UHRF1: variants seen among roughly 807,000 people sequenced by gnomAD.
The protein encoded by UHRF1 is E3 ubiquitin-protein ligase UHRF1.
A neutral mutation model predicts 96.5 loss-of-function variants in UHRF1; 9 were observed. The ratio of observed to expected loss-of-function variants is 0.09; its 90% CI spans 0.06 to 0.16. UHRF1 has a LOEUF of 0.16. UHRF1 is among the 10% of genes least tolerant of loss of function. The pLI, the probability that UHRF1 is intolerant of heterozygous loss-of-function variation, is 1.00. For synonymous variants in UHRF1, 455 were observed against 469.9 expected, an observed-to-expected ratio of 0.97 and a Z score of 0.41; for missense variants, 626 against 1,131.1, an observed-to-expected ratio of 0.55 and a Z score of 6.40.
At position 4,954,538 on chromosome 19, in the gene UHRF1, G is replaced by A. The variant is rs761530808; in HGVS notation, c.1957+50G>A. ...GAGCGTCTTGTGTGTGGGGGAGCAG[G>A]TGGGCATCTCGCGGGTGTGGGGTTG... On this transcript the variant is annotated intron_variant, in intron 14 of 16. Transcript: ENST00000650932. This position sits in a 1 kb window ranked among gnomAD's most constrained non-coding sequence, Gnocchi z 5.9. 2 of 1,586,940 alleles carry A rather than the reference G, an allele frequency of 1.3e-6. No homozygotes were observed. The highest frequency in any genetic ancestry group is 1.7e-5 in the Admixed American group (1 of 57,808).
chr19:4,921,194 C>T (rs2032691545), intron 2 of UHRF1, among the ~76,000 whole-genome samples: 1 of 152,036 alleles, frequency 6.6e-6, no homozygotes, highest in Non-Finnish European at 1.5e-5. Flanking sequence ...AATTCCAGCA[C>T]TTCGGGAGGC....
chr19:4,960,425 T>C (rs2033958676), intron 16 of UHRF1, among the ~76,000 whole-genome samples: 1 of 152,128 alleles, frequency 6.6e-6, no homozygotes, highest in Non-Finnish European at 1.5e-5. Context: ...GGGACCGAGC[T>C]GTTAAGCTGC....
In UHRF1 at chr19:4,961,495, G is replaced by T. The variant is rs11555235; in HGVS notation, c.*692G>T. 0.028 allele frequency: 4,226 copies of T among 152,606 alleles called. 65 individuals carry two copies. Among genetic ancestry groups the T allele is most frequent in the South Asian group, 0.061 (296 of 4,830 alleles). 9.5% of individuals were successfully genotyped at this position (152,606 alleles called of 1,614,324 possible). On this transcript the variant is annotated 3_prime_UTR_variant, in exon 17 of 17. Coordinates refer to ENST00000650932, the MANE Select transcript of UHRF1 (RefSeq NM_001048201.3). ...TGGCCTCAAGGGGACTCTGCTCCACGTGGGGCCAGGCGTGTGACTGACGCT... is the reference window on the plus strand; with the variant it reads ...TGGCCTCAAGGGGACTCTGCTCCACTTGGGGCCAGGCGTGTGACTGACGCT...
At chr19:4,932,712 G>C (rs764826663) in intron 4 of UHRF1, 29 bp from the exon 5 acceptor site, 14 of 1,609,392 alleles carry the variant, frequency 8.7e-6, no homozygotes, top group Admixed American at 3.3e-5. Context: ...GTCTTAGCAC[G>C]GGGTCTAAGG....
intron 2 of UHRF1, among the ~76,000 whole-genome samples, chr19:4,916,757 C>A (rs2032520642): frequency 6.6e-6 from 1 of 152,214 alleles, no homozygotes; most frequent in African/African-American, 2.4e-5. Context: ...GAGGTTGTCG[C>A]AGAGGCGCTG....
chr19:4,953,163 T>C (rs1054686690), intron 13 of UHRF1, among the ~76,000 whole-genome samples: 6 of 152,144 alleles, frequency 3.9e-5, no homozygotes, highest in African/African-American at 7.2e-5. Context: ...CTCCTCTTGT[T>C]CGTAGTGAAG....
At chr19:4,932,423 G>C (rs577388563) in intron 4 of UHRF1, among the ~76,000 whole-genome samples, 1 of 152,348 alleles carries the variant, frequency 6.6e-6, no homozygotes, top group South Asian at 2.1e-4. Flanking sequence ...CCCTACTGCA[G>C]TGTGATCTCA....
At chr19:4,909,173 G>T, upstream of UHRF1, 1 of 378,994 alleles carries the variant, frequency 2.6e-6, no homozygotes, top group South Asian at 4.1e-5. Context: ...CGTGCGAGTG[G>T]GGGGCTGCGA....
intron 11 of UHRF1, among the ~76,000 whole-genome samples, chr19:4,949,896 G>T (rs1057050166): frequency 6.6e-6 from 1 of 151,834 alleles, no homozygotes; most frequent in Non-Finnish European, 1.5e-5. Flanking sequence ...TTGAGGCAGG[G>T]TCTCCCTCTC....
upstream of UHRF1, among the ~76,000 whole-genome samples, chr19:4,904,594 G>C (rs1294948643): frequency 1.3e-5 from 2 of 152,196 alleles, no homozygotes; most frequent in Admixed American, 6.5e-5. Flanking sequence ...TGGGATTACA[G>C]GCATGAGCTA....
Position 4,954,728 on chromosome 19 carries a change from A to C in UHRF1, c.2036A>C (p.Gln679Pro). ...TKVEPYSLTA[Q>P]QSSLIREDKS... ...GTGGAGCCCTACAGTCTCACGGCCC[A>C]GCAGAGCAGCCTCATCAGAGAGGAC... Residue 679 changes from glutamine (Q) to proline (P), a missense_variant, in exon 15 of 17, where the codon CAG becomes CCG. Around this residue, in one of 11 missense-constraint regions of UHRF1, gnomAD observed 90 missense variants for 94.7 expected, o/e 0.95. Transcript: ENST00000650932. This position sits in a 1 kb window ranked among gnomAD's most constrained non-coding sequence, Gnocchi z 5.9. The C allele has an allele frequency of 6.2e-7, 1 of 1,613,798 alleles. No individual in the cohort carries two copies. The highest frequency in any genetic ancestry group is 8.5e-7 in the Non-Finnish European group (1 of 1,179,822).
Position 4,941,636 on chromosome 19 carries a change from C to T in UHRF1, c.886+8C>T. The stretch of plus-strand genomic sequence containing the variant: ...TTGACAACCCCATGAGACGTGAGTT[C>T]TGAGCCAGCCTTTCCCCATCTTCCG... On this transcript the variant is annotated splice_region_variant and intron_variant, in intron 6 of 16. Transcript: ENST00000650932. The T allele has an allele frequency of 6.2e-7, 1 of 1,611,336 alleles. No homozygotes were observed. Among genetic ancestry groups the T allele is most frequent in the Non-Finnish European group, 8.5e-7 (1 of 1,178,744 alleles).
At chr19:4,938,730 GTTTT>G (rs71170880) in intron 5 of UHRF1, among the ~76,000 whole-genome samples, 160 of 61,554 alleles carry the variant, frequency 2.6e-3, no homozygotes, top group African/African-American at 8.3e-3. Flanking sequence ...TTTTGGTCAG[GTTTT>G]TTTTTTTTTT....
chr19:4,910,612 A>G (rs1440872351), intron 1 of UHRF1: 2 of 364,596 alleles, frequency 5.5e-6, no homozygotes. Flanking sequence ...GATGGGTTGG[A>G]CCTTCTGCTT....
Position 4,954,244 on chromosome 19 carries a change from C to G in UHRF1, c.1819-106C>G, listed in dbSNP as rs2033791889. 5 of 1,509,504 alleles carry G rather than the reference C, an allele frequency of 3.3e-6. No homozygotes were observed. Among genetic ancestry groups the G allele is most frequent in the Non-Finnish European group, 4.5e-6 (5 of 1,118,276 alleles). 93.5% of individuals were successfully genotyped at this position (1,509,504 alleles called of 1,614,324 possible). ...TGTGCTCTTCAGGGGGATTGGGGGTCAGGTGTGTCTGGAAACCCAGACCTG... is the reference window on the plus strand; with the variant it reads ...TGTGCTCTTCAGGGGGATTGGGGGTGAGGTGTGTCTGGAAACCCAGACCTG... On this transcript the variant is annotated intron_variant, in intron 13 of 16. Coordinates refer to ENST00000650932, the MANE Select transcript of UHRF1 (RefSeq NM_001048201.3). The surrounding 1 kb of genome is among the most constrained non-coding windows in gnomAD (Gnocchi z 5.9).
At chr19:4,926,835 T>C (rs7250908) in intron 2 of UHRF1, among the ~76,000 whole-genome samples, 51,191 of 150,254 alleles carry the variant, frequency 0.34, 9,059 homozygotes, top group African/African-American at 0.43. Flanking sequence ...AAGGTTGAGG[T>C]GGGCGGATCA....
chr19:4,912,568 T>G (rs761595442), intron 2 of UHRF1, among the ~76,000 whole-genome samples: 10 of 152,250 alleles, frequency 6.6e-5, no homozygotes, highest in Non-Finnish European at 1.3e-4. Flanking sequence ...GCCATGTAGA[T>G]TTCACCATCG....
At chr19:4,926,830 T>C (rs7250906) in intron 2 of UHRF1, among the ~76,000 whole-genome samples, 51,175 of 151,430 alleles carry the variant, frequency 0.34, 9,056 homozygotes, top group African/African-American at 0.43. Flanking sequence ...TTTGGAAGGT[T>C]GAGGTGGGCG....
In UHRF1 at chr19:4,930,720, A is replaced by G. The variant is rs369303536; in HGVS notation, c.413A>G (p.Asn138Ser). 2.5e-5 allele frequency: 40 copies of G among 1,613,674 alleles called. No homozygotes were observed. Among genetic ancestry groups the G allele is most frequent in the African/African-American group, 2.1e-4 (16 of 75,036 alleles). The change falls in exon 4 of 17, where the codon AAT (asparagine) becomes AGT (serine). Residue 138 changes from asparagine to serine, a missense_variant. Asn to Ser is a conservative substitution (Grantham distance 46). Transcript: ENST00000650932. This position sits in a 1 kb window ranked among gnomAD's most constrained non-coding sequence, Gnocchi z 4.4. ...GACTTCCCTCATTCCTCACAGGTCA[A>G]TGAGTACGTCGATGCTCGGGACACG... ...DETELGLYKV[N>S]EYVDARDTNM...
Sources: allele counts gnomAD v4.1 joint callset (sites outside exome capture counted in the v4.1 genomes callset), GRCh38; gene constraint gnomAD v4.1.1; regional missense constraint gnomAD v4.1.1; non-coding constraint Gnocchi (gnomAD v3.1); transcripts MANE v1.5; gene names NCBI Gene and HGNC (gene_info 2026-07-23, HGNC 2026-07-21).